RALB: variants seen among roughly 807,000 people sequenced by gnomAD.
RALB encodes RAS like proto-oncogene B.
A neutral mutation model predicts 21.3 loss-of-function variants in RALB; 16 were observed. That is an observed-to-expected ratio of 0.75 (90% CI 0.51 to 1.14). The LOEUF is 1.14. Among genes scored for constraint, RALB ranks in the 50% most tolerant of loss-of-function variants. The probability of loss-of-function intolerance (pLI) is 0.00; values close to 1 mark genes in which losing one functional copy is unlikely to be tolerated. For missense variants in RALB, 161 were observed against 256.2 expected, an observed-to-expected ratio of 0.63 and a Z score of 2.54; for synonymous variants, 93 against 96.1, an observed-to-expected ratio of 0.97 and a Z score of 0.19.
At position 120,283,864 on chromosome 2, in the gene RALB, T is replaced by C. The variant is rs570284510; in HGVS notation, c.115-2010T>C. Among the ~76,000 whole-genome samples, 152 of 152,352 alleles carry C rather than the reference T, an allele frequency of 1.0e-3. 2 individuals are homozygous for C. The highest frequency in any genetic ancestry group is 9.1e-3 in the South Asian group (44 of 4,826). Reference sequence around the variant, plus strand: ...GACTTTGTGATTTTCTGTTTCCAGCTGAGCAATGTAAATAAACATCAGGGT... The same window carrying C: ...GACTTTGTGATTTTCTGTTTCCAGCCGAGCAATGTAAATAAACATCAGGGT... On this transcript the variant is annotated intron_variant, in intron 2 of 4. Coordinates refer to ENST00000272519, the MANE Select transcript of RALB (RefSeq NM_002881.3).
At chr2:120,250,187 G>A (rs1689033054), upstream of RALB, among the ~76,000 whole-genome samples, 2 of 152,172 alleles carry the variant, frequency 1.3e-5, no homozygotes, top group African/African-American at 2.4e-5. Context: ...ATCCGTCAGA[G>A]CAGGCTAAGC....
intron 1 of RALB, among the ~76,000 whole-genome samples, chr2:120,268,319 C>T (rs372406025): frequency 1.0e-3 from 156 of 152,088 alleles, no homozygotes; most frequent in African/African-American, 3.3e-3. Context: ...CTTCCTGTAG[C>T]ATAGTTTTTC....
chr2:120,285,223 G>T (rs1221724428), intron 2 of RALB, among the ~76,000 whole-genome samples: 1 of 152,102 alleles, frequency 6.6e-6, no homozygotes, highest in Non-Finnish European at 1.5e-5. Context: ...AAACCATCAG[G>T]TCCTGTGAGA....
At chr2:120,258,236 T>C (rs1689245691) in intron 1 of RALB, among the ~76,000 whole-genome samples, 1 of 152,372 alleles carries the variant, frequency 6.6e-6, no homozygotes, top group Admixed American at 6.5e-5. Flanking sequence ...GATCCCGCCC[T>C]TCCTTACCTC....
chr2:120,263,907 G>A (rs1689432449), intron 1 of RALB, among the ~76,000 whole-genome samples: 1 of 152,060 alleles, frequency 6.6e-6, no homozygotes, highest in Non-Finnish European at 1.5e-5. Flanking sequence ...GAGTGCAATG[G>A]TGCGATCTCG....
At chr2:120,292,791 A>T (rs1049393345) in intron 4 of RALB, among the ~76,000 whole-genome samples, 27 of 143,540 alleles carry the variant, frequency 1.9e-4, no homozygotes, top group Non-Finnish European at 3.6e-4. Flanking sequence ...GTCTGAATTT[A>T]AAAAAAAAAA....
At position 120,258,499 on chromosome 2, in the gene RALB, G is replaced by A. The variant is rs564081098; in HGVS notation, c.-48+5519G>A. ...GCCACGGAGGCCACGGCCAGTGGAGGGTTTAGCTGCCGCTCATGGTGAGCC... is the reference window on the plus strand; with the variant it reads ...GCCACGGAGGCCACGGCCAGTGGAGAGTTTAGCTGCCGCTCATGGTGAGCC... On this transcript the variant is annotated intron_variant, in intron 1 of 4. Transcript: ENST00000272519. Among the ~76,000 whole-genome samples, 9 of 152,330 alleles carry A rather than the reference G, an allele frequency of 5.9e-5. 1 individual carries two copies. The South Asian group carries it at 1.9e-3, about 32-fold the overall frequency.
At chr2:120,259,735 C>G (rs976680117) in intron 1 of RALB, among the ~76,000 whole-genome samples, 1 of 152,258 alleles carries the variant, frequency 6.6e-6, no homozygotes, top group Non-Finnish European at 1.5e-5. Flanking sequence ...CCTGCCAGTC[C>G]TGCGCCATGC....
At chr2:120,246,385 AGT>A (rs1479255402) in intron 1 of RALB, among the ~76,000 whole-genome samples, 1 of 152,196 alleles carries the variant, frequency 6.6e-6, no homozygotes, top group Non-Finnish European at 1.5e-5. Flanking sequence ...AACAGTAAGC[AGT>A]GACTAAAGGG....
chr2:120,253,960 A>G (rs1303859726), intron 1 of RALB, among the ~76,000 whole-genome samples: 5 of 152,168 alleles, frequency 3.3e-5, no homozygotes, highest in Non-Finnish European at 5.9e-5. Flanking sequence ...AGAGGTGTCA[A>G]TGACTGATGT....
chr2:120,288,237 TA>T (rs1169722389), intron 3 of RALB, among the ~76,000 whole-genome samples: 2 of 152,130 alleles, frequency 1.3e-5, no homozygotes, highest in African/African-American at 4.8e-5. Flanking sequence ...AAATGTAGGC[TA>T]TAACAAGGCT....
chr2:120,285,882 A>G lies in RALB; in HGVS notation c.123A>G (p.Glu41=). The part of the protein sequence containing the change: ...TLQFMYDEFV[E]DYEPTKADSY... ...AATGTTTATTTCCTCAGTTTGTAGA[A>G]GACTATGAACCTACCAAAGCTGACA... Residue 41 remains glutamate, a synonymous_variant, in exon 3 of 5, where the codon GAA becomes GAG. Coordinates refer to ENST00000272519, the MANE Select transcript of RALB (RefSeq NM_002881.3). 6.2e-7 allele frequency: 1 copy of G among 1,612,656 alleles called. No homozygotes were observed. Among genetic ancestry groups the G allele is most frequent in the East Asian group, 2.2e-5 (1 of 44,874 alleles).
At position 120,293,343 on chromosome 2, in the gene RALB, C is replaced by A. The variant is rs1376504561; in HGVS notation, c.*83C>A. On this transcript the variant is annotated 3_prime_UTR_variant, in exon 5 of 5. Coordinates refer to ENST00000272519, the MANE Select transcript of RALB (RefSeq NM_002881.3). ...AGAGAAGGCTATGGTTGACTTCTTGCTTGTGCTTCCCACTCTCCCCGACTT... is the reference window on the plus strand; with the variant it reads ...AGAGAAGGCTATGGTTGACTTCTTGATTGTGCTTCCCACTCTCCCCGACTT... The A allele has an allele frequency of 3.6e-6, 5 of 1,371,216 alleles. No individual in the cohort carries two copies. The South Asian group carries it at 8.4e-5, about 23-fold the overall frequency. 84.9% of individuals were successfully genotyped at this position (1,371,216 alleles called of 1,614,324 possible).
At chr2:120,262,411 G>A (rs1250062640) in intron 1 of RALB, among the ~76,000 whole-genome samples, 2 of 152,146 alleles carry the variant, frequency 1.3e-5, no homozygotes, top group African/African-American at 2.4e-5. Context: ...AAGAGGTGGA[G>A]GCTCTCGAAG....
chr2:120,258,884 G>C (rs1375127467), intron 1 of RALB, among the ~76,000 whole-genome samples: 1 of 152,152 alleles, frequency 6.6e-6, no homozygotes, highest in African/African-American at 2.4e-5. Context: ...GAGTGTTACA[G>C]CTCTTAAGGT....
upstream of RALB, among the ~76,000 whole-genome samples, chr2:120,251,326 C>T (rs1279610428): frequency 1.3e-5 from 2 of 152,246 alleles, no homozygotes; most frequent in African/African-American, 4.8e-5. Flanking sequence ...GGTGATCACA[C>T]ACTTGACTGT....
intron 1 of RALB, among the ~76,000 whole-genome samples, chr2:120,255,023 G>A (rs991774570): frequency 2.4e-4 from 36 of 152,248 alleles, no homozygotes; most frequent in East Asian, 5.8e-4. Context: ...ATGCCTCTTT[G>A]CATTTAGTTG....
At chr2:120,266,496 CT>C (rs1408188792) in intron 1 of RALB, among the ~76,000 whole-genome samples, 1 of 152,170 alleles carries the variant, frequency 6.6e-6, no homozygotes, top group East Asian at 1.9e-4. Flanking sequence ...ATCTGCCCAC[CT>C]TGGCCTCCCA....
chr2:120,267,402 AG>A (rs949916140), intron 1 of RALB, among the ~76,000 whole-genome samples: 24 of 76,296 alleles, frequency 3.1e-4, no homozygotes, highest in Admixed American at 1.8e-3. Context: ...AGACATGGAA[AG>A]TTGAGTCATA....
Sources: gnomAD v4.1 joint callset for allele counts (sites outside exome capture counted in the v4.1 genomes callset) on GRCh38, gnomAD v4.1.1 for gene constraint, MANE v1.5 for transcripts, NCBI Gene and HGNC (gene_info 2026-07-23, HGNC 2026-07-21) for gene names.